Variants in FMOD observed in about 807,000 individuals in gnomAD.
The protein encoded by FMOD is KSPG fibromodulin.
In FMOD, 15 loss-of-function variants were observed where a neutral mutation model predicts 27.0. The observed-to-expected ratio is 0.55, with a 90% confidence interval of 0.37 to 0.85. The LOEUF is 0.85. Among genes scored for constraint, FMOD ranks in the 40% least tolerant of loss-of-function variants. The pLI is 0.00. For missense variants in FMOD, 460 were observed against 483.2 expected, an observed-to-expected ratio of 0.95 and a Z score of 0.45; for synonymous variants, 210 against 214.0, an observed-to-expected ratio of 0.98 and a Z score of 0.16.
intron 2 of FMOD, among the ~76,000 whole-genome samples, chr1:203,343,563 G>C (rs1034961848): frequency 6.6e-6 from 1 of 152,248 alleles, no homozygotes; most frequent in Non-Finnish European, 1.5e-5. Flanking sequence ...ATTGGGTCTT[G>C]AGGGTAGGAT....
chr1:203,347,439 T>C lies in FMOD; in HGVS notation c.832A>G (p.Asn278Asp). The change falls in exon 2 of 3, where the codon AAC (asparagine) becomes GAC (aspartate). Residue 278 changes from asparagine to aspartate, a missense_variant. Physicochemically the swap from Asn to Asp is conservative, Grantham distance 23. Coordinates refer to ENST00000354955, the MANE Select transcript of FMOD (RefSeq NM_002023.5). Reference protein sequence around the residue: ...PKLLYVRLSHNSLTNNGLASN... With the variant: ...PKLLYVRLSHDSLTNNGLASN... Reference sequence around the variant, plus strand: ...GCCAGGCCATTGTTGGTTAGACTGTTGTGGGACAGCCGCACATACAGCAGC... The same window carrying C: ...GCCAGGCCATTGTTGGTTAGACTGTCGTGGGACAGCCGCACATACAGCAGC... The C allele has an allele frequency of 6.2e-7, 1 of 1,614,132 alleles. No homozygotes were observed. Among genetic ancestry groups the C allele is most frequent in the Non-Finnish European group, 8.5e-7 (1 of 1,180,000 alleles).
rs998737516 is a variant in FMOD, at chr1:203,346,552, T to C, written c.979+740A>G. Among the ~76,000 whole-genome samples the C allele has an allele frequency of 4.6e-5, 7 of 151,670 alleles. No individual in the cohort carries two copies. In the South Asian group the frequency reaches 1.0e-3, roughly 23 times the overall value. On this transcript the variant is annotated intron_variant, in intron 2 of 2. Transcript: ENST00000354955. Reference sequence around the variant, plus strand: ...AGTGCTTATGAAACAGGAAGCCCAGTGTCCTAGGCTTGGTGGTAGTCAGGC... The same window carrying C: ...AGTGCTTATGAAACAGGAAGCCCAGCGTCCTAGGCTTGGTGGTAGTCAGGC...
intron 1 of FMOD, among the ~76,000 whole-genome samples, chr1:203,349,251 T>G (rs941407183): frequency 6.6e-6 from 1 of 152,204 alleles, no homozygotes; most frequent in African/African-American, 2.4e-5. Context: ...GAAACTCTTG[T>G]GTATGCTCAA....
At chr1:203,346,887 G>C (rs1658897862) in intron 2 of FMOD, among the ~76,000 whole-genome samples, 1 of 152,064 alleles carries the variant, frequency 6.6e-6, no homozygotes, top group Non-Finnish European at 1.5e-5. Flanking sequence ...CCTGACACAT[G>C]ACCCCTTCAT....
At position 203,342,187 on chromosome 1, in the gene FMOD, G is replaced by A. The variant is rs879187665; in HGVS notation, c.*156C>T. On this transcript the variant is annotated 3_prime_UTR_variant, in exon 3 of 3. Coordinates refer to ENST00000354955, the MANE Select transcript of FMOD (RefSeq NM_002023.5). The stretch of plus-strand genomic sequence containing the variant: ...AGCAGAAGGCTGCCTGTCCCTGATC[G>A]CCCCCCCTAACCCCACCTACAGGAA... 38 of 840,000 alleles carry A rather than the reference G, an allele frequency of 4.5e-5. No individual in the cohort carries two copies. The highest frequency in any genetic ancestry group is 1.4e-4 in the African/African-American group (8 of 58,046). The allele number at this position is 840,000 out of a possible 1,614,324, so 52.0% of individuals were successfully genotyped here.
At position 203,348,055 on chromosome 1, in the gene FMOD, A is replaced by T. The variant is rs1195114745; in HGVS notation, c.216T>A (p.Asp72Glu). Residue 72 changes from aspartate to glutamate, a missense_variant, in exon 2 of 3, where the codon GAT (aspartate) becomes GAA (glutamate). Physicochemically the swap from Asp to Glu is conservative, Grantham distance 45. Coordinates refer to ENST00000354955, the MANE Select transcript of FMOD (RefSeq NM_002023.5). ...CGCACTCCTGGGGGCAGTCGCGGGG[A>T]TCTGGAGGGGATGGAGAGCCGTAGG... ...AYTYGSPSPP[D>E]PRDCPQECDC... 6.2e-7 allele frequency: 1 copy of T among 1,613,616 alleles called. No individual in the cohort carries two copies. The highest frequency in any genetic ancestry group is 1.1e-5 in the South Asian group (1 of 91,042).
chr1:203,345,684 G>A (rs1208229266), intron 2 of FMOD, among the ~76,000 whole-genome samples: 2 of 152,162 alleles, frequency 1.3e-5, no homozygotes, highest in Admixed American at 1.3e-4. Context: ...AGATCACGAG[G>A]TCAGGAGATC....
chr1:203,342,089 G>T lies in FMOD; in HGVS notation c.*254C>A. The stretch of plus-strand genomic sequence containing the variant: ...TAAGAGCCGTGAGATTTATGGGGTT[G>T]GAACATCCAGGGATCCTTCCATCTA... On this transcript the variant is annotated 3_prime_UTR_variant, in exon 3 of 3. Transcript: ENST00000354955. 2.2e-6 allele frequency: 1 copy of T among 451,962 alleles called. No homozygotes were observed. The highest frequency in any genetic ancestry group is 3.9e-6 in the Non-Finnish European group (1 of 253,190). 28.0% of individuals were successfully genotyped at this position (451,962 alleles called of 1,614,324 possible).
At chr1:203,349,263 G>A (rs1356964253) in intron 1 of FMOD, among the ~76,000 whole-genome samples, 1 of 152,174 alleles carries the variant, frequency 6.6e-6, no homozygotes, top group East Asian at 1.9e-4. Flanking sequence ...TATGCTCAAG[G>A]GAAAGCAGCT....
At chr1:203,345,801 G>C (rs1658877350) in intron 2 of FMOD, among the ~76,000 whole-genome samples, 2 of 151,738 alleles carry the variant, frequency 1.3e-5, no homozygotes, top group African/African-American at 4.8e-5. Context: ...AAGAGGCTGA[G>C]GCAGGAGAAT....
intron 2 of FMOD, among the ~76,000 whole-genome samples, chr1:203,343,429 G>A (rs74137620): frequency 0.028 from 4,274 of 152,280 alleles, 199 homozygotes; most frequent in African/African-American, 0.096. Flanking sequence ...CAGGAGAGAT[G>A]GCAAAAGTCA....
chr1:203,342,333 C>G lies in FMOD; in HGVS notation c.*10G>C. 1 of 1,606,342 alleles carries G rather than the reference C, an allele frequency of 6.2e-7. No individual in the cohort carries two copies. Among genetic ancestry groups the G allele is most frequent in the Middle Eastern group, 1.7e-4 (1 of 5,836 alleles). On this transcript the variant is annotated 3_prime_UTR_variant, in exon 3 of 3. Coordinates refer to ENST00000354955, the MANE Select transcript of FMOD (RefSeq NM_002023.5). ...GGGGCTCTCCGCCCAGTACCCGGTGCCAGGGCTGCTCAGATCTCGATGAGG... is the reference window on the plus strand; with the variant it reads ...GGGGCTCTCCGCCCAGTACCCGGTGGCAGGGCTGCTCAGATCTCGATGAGG...
At chr1:203,350,096 G>A (rs926724894) in intron 1 of FMOD, among the ~76,000 whole-genome samples, 18 of 152,216 alleles carry the variant, frequency 1.2e-4, no homozygotes, top group Non-Finnish European at 1.3e-4. Context: ...CTCTGTCTCC[G>A]TTTCTCCTTC....
At chr1:203,348,945 G>T (rs1038312104) in intron 1 of FMOD, among the ~76,000 whole-genome samples, 3 of 152,258 alleles carry the variant, frequency 2.0e-5, no homozygotes, top group African/African-American at 4.8e-5. Flanking sequence ...GTAACAGTCT[G>T]CTGAGTGAGG....
At chr1:203,345,624 C>T (rs556478125) in intron 2 of FMOD, among the ~76,000 whole-genome samples, 6 of 152,256 alleles carry the variant, frequency 3.9e-5, no homozygotes, top group African/African-American at 1.4e-4. Context: ...CTTGGCTGGG[C>T]GCGGTGGCTC....
intron 2 of FMOD, among the ~76,000 whole-genome samples, chr1:203,345,908 A>AAAG (rs1553285705): frequency 6.6e-6 from 1 of 151,480 alleles, no homozygotes; most frequent in Admixed American, 6.6e-5. Flanking sequence ...AAAAAAAAAA[A>AAAG]AAAAGACGTC....
chr1:203,348,246 G>A lies in FMOD; in HGVS notation c.25C>T (p.Leu9=), dbSNP rs755984199. 3.1e-6 allele frequency: 5 copies of A among 1,613,798 alleles called. No homozygotes were observed. The highest frequency in any genetic ancestry group is 3.4e-6 in the Non-Finnish European group (4 of 1,179,800). The part of the protein sequence containing the change: MQWTSLLL[L]AGLFSLSQAQ... ...TGGGAGAGGGAGAAGAGCCCTGCCA[G>A]CAGCAGGAGGGAGGTCCACTGCATT... The change falls in exon 2 of 3, where the codon CTG becomes TTG. Residue 9 remains leucine (L), a synonymous_variant. Transcript: ENST00000354955.
chr1:203,342,357 G>A lies in FMOD; in HGVS notation c.1117C>T (p.Leu373Phe), dbSNP rs765453522. Residue 373 changes from leucine (L) to phenylalanine (F), a missense_variant, in exon 3 of 3, where the codon CTC becomes TTC. By Grantham distance (22) the Leu-to-Phe change is conservative (BLOSUM62 0). Transcript: ENST00000354955. ...DAPLCLRLAS[L>F]IEI ...GCCAGGGCTGCTCAGATCTCGATGA[G>A]GCTGGCAAGGCGCAGGCAGAGGGGC... 1.9e-6 allele frequency: 3 copies of A among 1,612,154 alleles called. No individual in the cohort carries two copies. The highest frequency in any genetic ancestry group is 2.5e-6 in the Non-Finnish European group (3 of 1,178,674).
Position 203,341,276 on chromosome 1 carries a change from A to G in FMOD, c.*1067T>C, listed in dbSNP as rs1329020544. 1 of 152,232 alleles carries G rather than the reference A, an allele frequency of 6.6e-6. No homozygotes were observed. The highest frequency in any genetic ancestry group is 6.5e-5 in the Admixed American group (1 of 15,284). The allele number at this position is 152,232 out of a possible 1,614,324, so 9.4% of individuals were successfully genotyped here. ...CCTCCTTCTTTGGGCTAGCAAGTCC[A>G]GGGCTGCCTGGAGTCTGTCTCTACC... On this transcript the variant is annotated 3_prime_UTR_variant, in exon 3 of 3. Transcript: ENST00000354955.
Sources: allele counts gnomAD v4.1 joint callset (sites outside exome capture counted in the v4.1 genomes callset), GRCh38; gene constraint gnomAD v4.1.1; transcripts MANE v1.5; gene names NCBI Gene and HGNC (gene_info 2026-07-23, HGNC 2026-07-21).